CCDC148: variants seen among roughly 807,000 people sequenced by gnomAD.
CCDC148 encodes coiled-coil domain containing 148.
CCDC148 carries 89 observed loss-of-function variants against 85.7 expected under a neutral mutation model. The observed-to-expected ratio is 1.04, with a 90% CI of 0.87 to 1.24. CCDC148 has a LOEUF of 1.24. CCDC148 is among the 50% of genes most tolerant of loss of function. The pLI is 0.00. For synonymous variants in CCDC148, 230 were observed against 213.9 expected (o/e 1.08, Z -0.66); for missense variants, 692 against 671.7 (o/e 1.03, Z -0.33).
intron 9 of CCDC148, among the ~76,000 whole-genome samples, chr2:158,302,529 T>C (rs575442468): frequency 6.6e-6 from 1 of 152,108 alleles, no homozygotes; most frequent in Non-Finnish European, 1.5e-5. Context: ...CTCACACTGG[T>C]AATCCCAGGA....
chr2:158,400,170 G>T (rs138531804), intron 1 of CCDC148, among the ~76,000 whole-genome samples: 11,338 of 152,172 alleles, frequency 0.075, 569 homozygotes, highest in Middle Eastern at 0.11. Context: ...TCCCCATCAA[G>T]CTACCACTGA....
intron 10 of CCDC148, 108 bp from the exon 11 acceptor site, chr2:158,220,821 G>C: frequency 2.5e-6 from 2 of 787,952 alleles, no homozygotes; most frequent in African/African-American, 1.8e-5. Context: ...GAATTTAAAG[G>C]GCACTTCATC....
chr2:158,412,543 G>A (rs1016506202), intron 1 of CCDC148, among the ~76,000 whole-genome samples: 1 of 152,024 alleles, frequency 6.6e-6, no homozygotes, highest in Non-Finnish European at 1.5e-5. Context: ...AAAAGAGAGA[G>A]GCATAGGAAT....
intron 13 of CCDC148, 92 bp from the exon 14 acceptor site, chr2:158,172,351 T>C (rs1244633769): frequency 2.1e-6 from 2 of 973,792 alleles, no homozygotes; most frequent in Non-Finnish European, 3.1e-6. Context: ...CTAATTTGTT[T>C]TTACTGGACA....
intron 12 of CCDC148, among the ~76,000 whole-genome samples, chr2:158,177,501 T>C (rs1684651190): frequency 1.3e-5 from 2 of 152,256 alleles, no homozygotes; most frequent in South Asian, 4.1e-4. Flanking sequence ...ATACTGATTA[T>C]AGATAAGAGA....
chr2:158,193,840 AT>A (rs1361272586), intron 11 of CCDC148, among the ~76,000 whole-genome samples: 2 of 148,860 alleles, frequency 1.3e-5, no homozygotes, highest in Non-Finnish European at 3.0e-5. Context: ...CATAAGGTAT[AT>A]CTCCTAATGC....
At chr2:158,429,446 G>C (rs1687238204) in intron 1 of CCDC148, among the ~76,000 whole-genome samples, 1 of 152,066 alleles carries the variant, frequency 6.6e-6, no homozygotes, top group Non-Finnish European at 1.5e-5. Context: ...AAGATATAAT[G>C]TTAAGGTAAA....
At chr2:158,232,443 T>C (rs990623607) in intron 10 of CCDC148, among the ~76,000 whole-genome samples, 1 of 152,096 alleles carries the variant, frequency 6.6e-6, no homozygotes, top group African/African-American at 2.4e-5. Flanking sequence ...ATTTATAATA[T>C]TAGAGTATCT....
chr2:158,330,369 T>C (rs1012859701), intron 7 of CCDC148, among the ~76,000 whole-genome samples: 1 of 152,212 alleles, frequency 6.6e-6, no homozygotes, highest in African/African-American at 2.4e-5. Context: ...CACTTGATTA[T>C]GGTGGATAAG....
At chr2:158,229,535 G>C (rs1215183587) in intron 10 of CCDC148, among the ~76,000 whole-genome samples, 1 of 152,136 alleles carries the variant, frequency 6.6e-6, no homozygotes, top group Non-Finnish European at 1.5e-5. Flanking sequence ...TTCTCATAGT[G>C]ATATTCTAAA....
At chr2:158,263,023 T>C (rs1689299206) in intron 9 of CCDC148, among the ~76,000 whole-genome samples, 1 of 152,072 alleles carries the variant, frequency 6.6e-6, no homozygotes, top group African/African-American at 2.4e-5. Flanking sequence ...ACAAATTTCT[T>C]ACACAGAACA....
chr2:158,404,745 G>A lies in CCDC148; in HGVS notation c.26-46175C>T, dbSNP rs187110560. ...TCCAAATCATCAAGCCAGGAAGGCAGTAACCTGCATAGTGCGCCAGAACAT... is the reference window on the plus strand; with the variant it reads ...TCCAAATCATCAAGCCAGGAAGGCAATAACCTGCATAGTGCGCCAGAACAT... On this transcript the variant is annotated intron_variant, in intron 1 of 13. Coordinates refer to ENST00000283233, the MANE Select transcript of CCDC148 (RefSeq NM_138803.4). Among the ~76,000 whole-genome samples, 5 of 152,252 alleles carry A rather than the reference G, an allele frequency of 3.3e-5. No homozygotes were observed. In the East Asian group the frequency reaches 9.6e-4, roughly 29 times the overall value.
chr2:158,388,333 C>T (rs1372165408), intron 1 of CCDC148, among the ~76,000 whole-genome samples: 6 of 152,102 alleles, frequency 3.9e-5, no homozygotes, highest in Non-Finnish European at 8.8e-5. Context: ...ATGACAAGGG[C>T]AGGGAACAGT....
intron 1 of CCDC148, among the ~76,000 whole-genome samples, chr2:158,395,532 G>A (rs1392152216): frequency 1.3e-5 from 2 of 152,178 alleles, no homozygotes; most frequent in African/African-American, 4.8e-5. Flanking sequence ...GTGATAATGT[G>A]AAAGGGAATA....
intron 3 of CCDC148, among the ~76,000 whole-genome samples, chr2:158,341,810 T>TA (rs1682709997): frequency 6.6e-6 from 1 of 151,518 alleles, no homozygotes; most frequent in Non-Finnish European, 1.5e-5. Context: ...ATATAATTAT[T>TA]ATTTTAATTT....
At chr2:158,282,991 T>G (rs866170884) in intron 9 of CCDC148, among the ~76,000 whole-genome samples, 1 of 152,182 alleles carries the variant, frequency 6.6e-6, no homozygotes, top group South Asian at 2.1e-4. Flanking sequence ...TACAACTATG[T>G]GATCTTTGAC....
At chr2:158,394,421 TGG>T (rs1364611577) in intron 1 of CCDC148, among the ~76,000 whole-genome samples, 1 of 151,918 alleles carries the variant, frequency 6.6e-6, no homozygotes, top group Non-Finnish European at 1.5e-5. Flanking sequence ...TCTAAAAACT[TGG>T]GAGGTAGGAT....
intron 7 of CCDC148, among the ~76,000 whole-genome samples, chr2:158,326,918 T>C (rs1692805750): frequency 6.6e-6 from 1 of 152,178 alleles, no homozygotes; most frequent in African/African-American, 2.4e-5. Context: ...CAATGTAGAC[T>C]GTGCATTGCT....
At chr2:158,220,511 C>A in intron 11 of CCDC148, 84 bp downstream of exon 11, 1 of 875,660 alleles carries the variant, frequency 1.1e-6, no homozygotes, top group South Asian at 1.5e-5. Context: ...GAAAAAAGTT[C>A]CCTCTGATAT....
Sources: allele counts gnomAD v4.1 joint callset (sites outside exome capture counted in the v4.1 genomes callset), GRCh38; gene constraint gnomAD v4.1.1; transcripts MANE v1.5; gene names NCBI Gene and HGNC (gene_info 2026-07-23, HGNC 2026-07-21).